HS3ST4: variants seen among roughly 807,000 people sequenced by gnomAD.
HS3ST4 encodes heparan sulfate glucosamine 3-O-sulfotransferase 4.
Under a neutral mutation model 29.2 loss-of-function variants are expected in HS3ST4, and 17 were observed. The observed-to-expected ratio is 0.58, with a 90% CI of 0.40 to 0.87. The LOEUF is 0.87. Ranked by LOEUF, HS3ST4 falls within the 40% of genes least tolerant of loss-of-function variation. The pLI, the probability that HS3ST4 is intolerant of heterozygous loss-of-function variation, is 0.00. For missense variants in HS3ST4, 627 were observed against 634.5 expected (o/e 0.99, Z 0.13); for synonymous variants, 314 against 285.7 (o/e 1.10, Z -1.00).
At chr16:25,898,077 A>G (rs188346814) in intron 1 of HS3ST4, among the ~76,000 whole-genome samples, 65 of 152,332 alleles carry the variant, frequency 4.3e-4, no homozygotes, top group African/African-American at 1.5e-3. Flanking sequence ...ACTGAGGGAA[A>G]GGAGGAATTC....
intron 1 of HS3ST4, among the ~76,000 whole-genome samples, chr16:26,131,638 AG>A (rs1167996602): frequency 6.6e-6 from 1 of 152,226 alleles, no homozygotes; most frequent in Non-Finnish European, 1.5e-5. Context: ...CCAGGTTAGC[AG>A]GGGGTTTTGT....
chr16:26,122,132 G>A (rs768337906), intron 1 of HS3ST4, among the ~76,000 whole-genome samples: 25 of 142,762 alleles, frequency 1.8e-4, no homozygotes, highest in Non-Finnish European at 2.5e-4. Context: ...ATTATTGCAA[G>A]AGACCTCCAC....
chr16:25,983,170 T>C (rs4552028), intron 1 of HS3ST4, among the ~76,000 whole-genome samples: 141,998 of 152,208 alleles, frequency 0.93, 66,368 homozygotes, highest in African/African-American at 0.97. Flanking sequence ...TTTCAGATCC[T>C]TCCACTAGAG....
At chr16:26,122,986 G>C (rs112222043) in intron 1 of HS3ST4, among the ~76,000 whole-genome samples, 1 of 151,822 alleles carries the variant, frequency 6.6e-6, no homozygotes, top group South Asian at 2.1e-4. Context: ...CCTTGGAGGC[G>C]GAGTTTGCAG....
chr16:25,933,354 G>T (rs760600742), intron 1 of HS3ST4: 2 of 515,820 alleles, frequency 3.9e-6, no homozygotes, highest in African/African-American at 1.9e-5. Flanking sequence ...GGTGATAATT[G>T]GTTCCCAGGT....
chr16:25,982,133 T>G (rs1969012645), intron 1 of HS3ST4, among the ~76,000 whole-genome samples: 1 of 152,124 alleles, frequency 6.6e-6, no homozygotes, highest in East Asian at 1.9e-4. Context: ...TAGGAAAGCT[T>G]CTCCAGGAGA....
chr16:25,961,782 C>T (rs540223683), intron 1 of HS3ST4, among the ~76,000 whole-genome samples: 3 of 151,902 alleles, frequency 2.0e-5, no homozygotes, highest in South Asian at 2.1e-4. Context: ...TCTGGTCACA[C>T]TACAAGCCAA....
intron 1 of HS3ST4, among the ~76,000 whole-genome samples, chr16:26,030,199 C>T (rs151030106): frequency 6.6e-6 from 1 of 152,302 alleles, no homozygotes; most frequent in East Asian, 1.9e-4. Flanking sequence ...ATCTCTAGCT[C>T]CATGATTTTG....
chr16:25,852,122 G>A (rs1228287391), intron 1 of HS3ST4, among the ~76,000 whole-genome samples: 1 of 152,074 alleles, frequency 6.6e-6, no homozygotes, highest in Non-Finnish European at 1.5e-5. Context: ...ATGCACTAAG[G>A]CTAGATGTCT....
Position 25,703,347 on chromosome 16 carries a change from A to C in HS3ST4, c.734+10196A>C, listed in dbSNP as rs538346075. Among the ~76,000 whole-genome samples, 5 of 152,256 alleles carry C rather than the reference A, an allele frequency of 3.3e-5. 1 individual carries two copies. The South Asian group carries it at 1.0e-3, about 32-fold the overall frequency. ...GTGGGAGTGGCAGCACTGGTGGTAGATGATATTGTATCACGTGTGCCAGGC... is the reference window on the plus strand; with the variant it reads ...GTGGGAGTGGCAGCACTGGTGGTAGCTGATATTGTATCACGTGTGCCAGGC... On this transcript the variant is annotated intron_variant, in intron 1 of 1. Coordinates refer to ENST00000331351, the MANE Select transcript of HS3ST4 (RefSeq NM_006040.3).
chr16:25,899,617 T>G (rs1036602453), intron 1 of HS3ST4, among the ~76,000 whole-genome samples: 1 of 152,016 alleles, frequency 6.6e-6, no homozygotes, highest in African/African-American at 2.4e-5. Flanking sequence ...GCAATTTTCC[T>G]GTGTCAGCCT....
chr16:25,904,834 A>G (rs1447868459), intron 1 of HS3ST4, among the ~76,000 whole-genome samples: 3 of 152,166 alleles, frequency 2.0e-5, no homozygotes, highest in African/African-American at 7.2e-5. Context: ...GGTTGTTTTA[A>G]GCATTATATG....
At chr16:25,702,846 G>T (rs1289336528) in intron 1 of HS3ST4, among the ~76,000 whole-genome samples, 4 of 152,020 alleles carry the variant, frequency 2.6e-5, no homozygotes, top group Non-Finnish European at 5.9e-5. Flanking sequence ...AGTGGATTAA[G>T]AGTTGAGCTA....
At chr16:26,073,436 G>A (rs1038255970) in intron 1 of HS3ST4, among the ~76,000 whole-genome samples, 4 of 151,910 alleles carry the variant, frequency 2.6e-5, no homozygotes, top group African/African-American at 4.8e-5. Flanking sequence ...GTGCAGTGAC[G>A]TGATCTTGGC....
chr16:26,110,050 A>G (rs951714723), intron 1 of HS3ST4, among the ~76,000 whole-genome samples: 6 of 152,094 alleles, frequency 3.9e-5, no homozygotes, highest in East Asian at 1.9e-4. Flanking sequence ...GTTTCCCACT[A>G]TCCTTCACCC....
chr16:25,996,565 T>C (rs973455970), intron 1 of HS3ST4, among the ~76,000 whole-genome samples: 7 of 152,176 alleles, frequency 4.6e-5, no homozygotes, highest in Admixed American at 3.9e-4. Context: ...TGTCATTTTA[T>C]TATATACACA....
chr16:25,951,442 T>A (rs1968682508), intron 1 of HS3ST4, among the ~76,000 whole-genome samples: 1 of 152,194 alleles, frequency 6.6e-6, no homozygotes. Flanking sequence ...TAATAATACA[T>A]TCCTAAATGT....
intron 1 of HS3ST4, among the ~76,000 whole-genome samples, chr16:25,735,329 C>G (rs1194508398): frequency 1.3e-5 from 2 of 152,154 alleles, no homozygotes; most frequent in Admixed American, 1.3e-4. Flanking sequence ...CATCAGGGAT[C>G]TGTCTCTTTC....
At chr16:25,945,996 G>T (rs926770635) in intron 1 of HS3ST4, among the ~76,000 whole-genome samples, 1 of 152,124 alleles carries the variant, frequency 6.6e-6, no homozygotes, top group South Asian at 2.1e-4. Flanking sequence ...TTTATTGCCA[G>T]ATCCCAATTC....
Sources: gnomAD v4.1 joint callset for allele counts (sites outside exome capture counted in the v4.1 genomes callset) on GRCh38, gnomAD v4.1.1 for gene constraint, MANE v1.5 for transcripts, NCBI Gene and HGNC (gene_info 2026-07-23, HGNC 2026-07-21) for gene names.